SAMHD1: variants seen among roughly 807,000 people sequenced by gnomAD.
SAMHD1 encodes the protein deoxynucleoside triphosphate triphosphohydrolase SAMHD1.
A neutral mutation model predicts 79.6 loss-of-function variants in SAMHD1; 54 were observed. The ratio of observed to expected loss-of-function variants is 0.68; its 90% CI spans 0.55 to 0.85. The LOEUF is 0.85. Ranked by LOEUF, SAMHD1 falls within the 40% of genes least tolerant of loss-of-function variation. The pLI, the probability that SAMHD1 is intolerant of heterozygous loss-of-function variation, is 0.00. For missense variants in SAMHD1, 663 were observed against 782.7 expected (o/e 0.85, Z 1.82); for synonymous variants, 260 against 264.1 (o/e 0.98, Z 0.15).
At chr20:36,901,407 C>CAG (rs1990304410) in intron 13 of SAMHD1, among the ~76,000 whole-genome samples, 1 of 152,138 alleles carries the variant, frequency 6.6e-6, no homozygotes, top group African/African-American at 2.4e-5. Flanking sequence ...GCCTGGGGCA[C>CAG]AGAGAGAGAC....
At chr20:36,904,103 G>A (rs1429785378) in intron 13 of SAMHD1, 54 bp downstream of exon 13, 8 of 1,178,558 alleles carry the variant, frequency 6.8e-6, no homozygotes, top group Middle Eastern at 3.8e-4. Context: ...ATAATGGTGG[G>A]TGCTTTATCT....
intron 10 of SAMHD1, chr20:36,911,785 G>T (rs2063442273): frequency 5.7e-6 from 1 of 174,400 alleles, no homozygotes. Context: ...CAAAGGATAG[G>T]TAAAAAATAG....
chr20:36,896,742 G>A (rs1185729048), intron 15 of SAMHD1, among the ~76,000 whole-genome samples: 1 of 152,106 alleles, frequency 6.6e-6, no homozygotes, highest in Non-Finnish European at 1.5e-5. Context: ...GGCTGAGGCA[G>A]GGGAATCGCT....
chr20:36,930,948 C>T, intron 4 of SAMHD1, 73 bp from the exon 5 acceptor site: 1 of 1,006,564 alleles, frequency 9.9e-7, no homozygotes, highest in South Asian at 1.3e-5. Context: ...TCAAGAACTT[C>T]AGTATGTTTC....
chr20:36,916,597 A>G (rs2063477243), intron 9 of SAMHD1, 125 bp downstream of exon 9: 3 of 779,520 alleles, frequency 3.8e-6, no homozygotes, highest in Non-Finnish European at 7.0e-6. Flanking sequence ...AAAGATATTT[A>G]CAAATCCTAG....
At chr20:36,938,156 C>A (rs1156944920) in intron 3 of SAMHD1, among the ~76,000 whole-genome samples, 1 of 152,074 alleles carries the variant, frequency 6.6e-6, no homozygotes, top group African/African-American at 2.4e-5. Flanking sequence ...GTGTGAGCCA[C>A]CATACCCAGC....
In SAMHD1 at chr20:36,912,446, A is replaced by C. The variant is rs2063446041; in HGVS notation, c.1154+15T>G. The C allele has an allele frequency of 1.9e-6, 3 of 1,560,502 alleles. No individual in the cohort carries two copies. The highest frequency in any genetic ancestry group is 8.8e-7 in the Non-Finnish European group (1 of 1,131,442). ...AAGGAAAATTTTATAGGGAAATGAC[A>C]ATCAAGTTTCTTACATTGTATCAAT... On this transcript the variant is annotated intron_variant, in intron 10 of 15. Coordinates refer to ENST00000646673, the MANE Select transcript of SAMHD1 (RefSeq NM_015474.4).
chr20:36,931,249 A>G (rs1345568444), intron 4 of SAMHD1, among the ~76,000 whole-genome samples: 1 of 152,238 alleles, frequency 6.6e-6, no homozygotes, highest in Admixed American at 6.5e-5. Context: ...CATGGAAAAC[A>G]GTATGGGTGC....
At chr20:36,899,932 A>G (rs1397374167) in intron 13 of SAMHD1, among the ~76,000 whole-genome samples, 1 of 152,032 alleles carries the variant, frequency 6.6e-6, no homozygotes, top group African/African-American at 2.4e-5. Flanking sequence ...CATCTCAACT[A>G]AAAATACAAA....
At position 36,927,216 on chromosome 20, in the gene SAMHD1, A is replaced by G; in HGVS notation, c.662T>C (p.Phe221Ser). ...CACCTCCGGGCGAGCAAGTGGAATA[A>G]ATCGTCCATCAAACATGTGAGAAAA... ...GPFSHMFDGR[F>S]IPLARPEVKW... Residue 221 changes from phenylalanine to serine, a missense_variant, in exon 6 of 16, where the codon TTT becomes TCT. By Grantham distance (155) the Phe-to-Ser change is radical. Coordinates refer to ENST00000646673, the MANE Select transcript of SAMHD1 (RefSeq NM_015474.4). The G allele has an allele frequency of 6.2e-7, 1 of 1,614,144 alleles. No individual in the cohort carries two copies. The highest frequency in any genetic ancestry group is 8.5e-7 in the Non-Finnish European group (1 of 1,180,000).
At position 36,927,194 on chromosome 20, in the gene SAMHD1, C is replaced by A; in HGVS notation, c.684G>T (p.Glu228Asp). ...DGRFIPLARP[E>D]VKWTHEQGSV... ...TATGAATACATACCGTCCATTTCAC[C>A]TCCGGGCGAGCAAGTGGAATAAATC... is the stretch of plus-strand genomic sequence containing the variant. The change falls in exon 6 of 16, where the codon GAG becomes GAT. Residue 228 changes from glutamate (E) to aspartate (D), a missense_variant. Coordinates refer to ENST00000646673, the MANE Select transcript of SAMHD1 (RefSeq NM_015474.4). The A allele has an allele frequency of 6.2e-7, 1 of 1,613,790 alleles. No individual in the cohort carries two copies. The highest frequency in any genetic ancestry group is 2.2e-5 in the East Asian group (1 of 44,874).
chr20:36,932,177 CCAGCTACTTGGAAGGCTGAGG>C (rs970660175), intron 4 of SAMHD1, among the ~76,000 whole-genome samples: 20 of 151,526 alleles, frequency 1.3e-4, no homozygotes, highest in African/African-American at 4.6e-4. Context: ...GGCTGTAATC[CCAGCTACTTGGAAGGCTGAGG>C]CAGCTACTTG....
chr20:36,938,591 CT>C (rs1171977940), intron 3 of SAMHD1, among the ~76,000 whole-genome samples: 1 of 151,946 alleles, frequency 6.6e-6, no homozygotes, highest in Non-Finnish European at 1.5e-5. Context: ...AATCCCAGCA[CT>C]TTGAGAGGCT....
chr20:36,951,651 C>G lies in SAMHD1; in HGVS notation c.-8G>C. The G allele has an allele frequency of 5.0e-6, 8 of 1,612,976 alleles. No individual in the cohort carries two copies. Among genetic ancestry groups the G allele is most frequent in the Non-Finnish European group, 6.8e-6 (8 of 1,179,974 alleles). ...GGAATCGGCTCGCTGCATGGCTACA[C>G]CTGGCGTCCGGCACAGCAGTCAAGA... On this transcript the variant is annotated 5_prime_UTR_variant, in exon 1 of 16. Coordinates refer to ENST00000646673, the MANE Select transcript of SAMHD1 (RefSeq NM_015474.4).
chr20:36,950,560 T>C (rs1372691131), intron 1 of SAMHD1, among the ~76,000 whole-genome samples: 1 of 152,016 alleles, frequency 6.6e-6, no homozygotes, highest in Non-Finnish European at 1.5e-5. Flanking sequence ...CCACAAAAAG[T>C]TGAGTAGAAT....
At chr20:36,913,727 A>G (rs1044306178) in intron 9 of SAMHD1, among the ~76,000 whole-genome samples, 2 of 147,350 alleles carry the variant, frequency 1.4e-5, no homozygotes, top group South Asian at 2.2e-4. Context: ...GGAAATAGGT[A>G]TTACTATTCT....
In SAMHD1 at chr20:36,930,748, T is replaced by C. The variant is rs1376225135; in HGVS notation, c.625+12A>G. The C allele has an allele frequency of 1.9e-6, 3 of 1,577,162 alleles. No homozygotes were observed. The highest frequency in any genetic ancestry group is 1.7e-5 in the Admixed American group (1 of 59,974). On this transcript the variant is annotated intron_variant, in intron 5 of 15. Coordinates refer to ENST00000646673, the MANE Select transcript of SAMHD1 (RefSeq NM_015474.4). Reference sequence around the variant, plus strand: ...ATTTTACATAACAACTTTGTCTCTTTGTACAGCTTACCGAGATCATGACAA... The same window carrying C: ...ATTTTACATAACAACTTTGTCTCTTCGTACAGCTTACCGAGATCATGACAA...
intron 15 of SAMHD1, chr20:36,894,071 C>A (rs1310422347): frequency 2.0e-5 from 8 of 396,690 alleles, no homozygotes; most frequent in Non-Finnish European, 3.1e-5. Context: ...CTCCCTTGGT[C>A]TCTCCTATCC....
At chr20:36,890,120 T>C (rs1990024711), downstream of SAMHD1, 1 of 152,148 alleles carries the variant, frequency 6.6e-6, no homozygotes, top group African/African-American at 2.4e-5. Context: ...TGCTTGTGAG[T>C]CTGTTATTTA....
Sources: allele counts gnomAD v4.1 joint callset (sites outside exome capture counted in the v4.1 genomes callset), GRCh38; gene constraint gnomAD v4.1.1; transcripts MANE v1.5; gene names NCBI Gene and HGNC (gene_info 2026-07-23, HGNC 2026-07-21).